Variants in MAST2 observed in about 807,000 individuals in gnomAD.
The protein encoded by MAST2 is microtubule-associated serine/threonine-protein kinase 2.
Under a neutral mutation model 147.4 loss-of-function variants are expected in MAST2, and 70 were observed. That is an observed-to-expected ratio of 0.47 (90% CI 0.39 to 0.58). MAST2 has a LOEUF of 0.58. MAST2 is among the 20% of genes least tolerant of loss of function. The pLI, the probability that MAST2 is intolerant of heterozygous loss-of-function variation, is 0.00. For missense variants in MAST2, 2,080 were observed against 2,302.3 expected (o/e 0.90, Z 1.98); for synonymous variants, 869 against 896.8 (o/e 0.97, Z 0.55).
At position 46,031,192 on chromosome 1, in the gene MAST2, C is replaced by T; in HGVS notation, c.2894C>T (p.Ser965Phe). The T allele has an allele frequency of 6.3e-7, 1 of 1,575,544 alleles. No homozygotes were observed. Among genetic ancestry groups the T allele is most frequent in the East Asian group, 2.3e-5 (1 of 44,246 alleles). ...QEGIWVLTPP[S>F]GEGVSGPVTE... ...GGTATATGGGTCCTGACACCCCCAT[C>T]TGGAGAGGGGGTATCTGGGCCTGTC... Residue 965 changes from serine (S) to phenylalanine (F), a missense_variant, in exon 23 of 29, where the codon TCT (serine) becomes TTT (phenylalanine). By Grantham distance (155) the Ser-to-Phe change is radical. Coordinates refer to ENST00000361297, the MANE Select transcript of MAST2 (RefSeq NM_015112.3). This position sits in a 1 kb window ranked among gnomAD's most constrained non-coding sequence, Gnocchi z 4.1.
intron 4 of MAST2, among the ~76,000 whole-genome samples, chr1:45,897,403 C>G (rs918101871): frequency 6.6e-6 from 1 of 152,200 alleles, no homozygotes; most frequent in African/African-American, 2.4e-5. Context: ...ACAGTTTTTT[C>G]TTAGAAATCA....
At position 46,002,980 on chromosome 1, in the gene MAST2, C is replaced by G. The variant is rs41313270; in HGVS notation, c.747+97C>G. 2.5e-3 allele frequency: 3,041 copies of G among 1,223,070 alleles called. 11 individuals carry two copies. The highest frequency in any genetic ancestry group is 2.3e-3 in the Non-Finnish European group (1,872 of 829,406). 75.8% of individuals were successfully genotyped at this position (1,223,070 alleles called of 1,614,324 possible). A position where few individuals can be genotyped will look rare whatever the true frequency, so the allele number is the denominator to read the frequency against. On this transcript the variant is annotated intron_variant, in intron 7 of 28. Transcript: ENST00000361297. ...ACAAAATGGTTCTCAACTTTTTCTC[C>G]AAAGTCAAACTCAGAGAGGTTGCTG... is the stretch of plus-strand genomic sequence containing the variant.
At chr1:45,925,258 T>C (rs1012407145) in intron 4 of MAST2, among the ~76,000 whole-genome samples, 4 of 152,222 alleles carry the variant, frequency 2.6e-5, no homozygotes, top group Non-Finnish European at 5.9e-5. Flanking sequence ...TGTAATACAT[T>C]GCGTTTTATG....
intron 16 of MAST2, among the ~76,000 whole-genome samples, chr1:46,026,254 C>T (rs1456828158): frequency 6.6e-6 from 1 of 152,088 alleles, no homozygotes; most frequent in Non-Finnish European, 1.5e-5. Context: ...GGGTATTAGT[C>T]AAGTGGAAAA....
intron 3 of MAST2, among the ~76,000 whole-genome samples, chr1:45,863,072 A>G (rs1570423244): frequency 6.6e-6 from 1 of 151,334 alleles, no homozygotes; most frequent in Admixed American, 6.6e-5. Context: ...CCTCATCCCT[A>G]TCTCAGTGGT....
chr1:45,957,369 G>GGATC (rs1331725234), intron 4 of MAST2, among the ~76,000 whole-genome samples: 2 of 152,160 alleles, frequency 1.3e-5, no homozygotes, highest in Non-Finnish European at 2.9e-5. Flanking sequence ...GCATATAAGT[G>GGATC]GATCCTGCTA....
At chr1:45,999,444 G>A (rs1416031451) in intron 6 of MAST2, among the ~76,000 whole-genome samples, 1 of 152,190 alleles carries the variant, frequency 6.6e-6, no homozygotes, top group East Asian at 1.9e-4. Flanking sequence ...GTACGAGCTG[G>A]GACACCAAGA....
At chr1:45,832,034 C>T (rs1230561190) in intron 3 of MAST2, among the ~76,000 whole-genome samples, 1 of 152,120 alleles carries the variant, frequency 6.6e-6, no homozygotes, top group Non-Finnish European at 1.5e-5. Flanking sequence ...CCTGCCTCGG[C>T]CTCTCAAAGT....
intron 5 of MAST2, among the ~76,000 whole-genome samples, chr1:45,981,481 A>G (rs1029674691): frequency 1.3e-5 from 2 of 152,184 alleles, no homozygotes; most frequent in African/African-American, 4.8e-5. Flanking sequence ...CTGTGAGGTT[A>G]GGAATCTTGT....
intron 4 of MAST2, among the ~76,000 whole-genome samples, chr1:45,909,664 T>C (rs1425506197): frequency 1.3e-5 from 2 of 151,926 alleles, no homozygotes; most frequent in African/African-American, 4.8e-5. Flanking sequence ...ACTACAGGCA[T>C]GCGCCCCCAC....
chr1:45,826,653 T>C (rs1644801738), intron 2 of MAST2, among the ~76,000 whole-genome samples: 2 of 151,960 alleles, frequency 1.3e-5, no homozygotes, highest in Non-Finnish European at 2.9e-5. Flanking sequence ...CCAGGCCAGA[T>C]ACTCCACTTA....
At chr1:45,900,210 T>G (rs1649537960) in intron 4 of MAST2, among the ~76,000 whole-genome samples, 1 of 140,954 alleles carries the variant, frequency 7.1e-6, no homozygotes, top group Non-Finnish European at 1.5e-5. Context: ...TACCCTTGGG[T>G]AGATAGCCAG....
At chr1:45,811,727 G>C (rs539344277) in intron 1 of MAST2, among the ~76,000 whole-genome samples, 1 of 147,770 alleles carries the variant, frequency 6.8e-6, no homozygotes, top group Non-Finnish European at 1.5e-5. Flanking sequence ...TCTGCCTCCC[G>C]GGTTCCCGCC....
chr1:46,029,404 C>T, intron 18 of MAST2, 62 bp from the exon 19 acceptor site: 6 of 1,400,416 alleles, frequency 4.3e-6, no homozygotes, highest in Non-Finnish European at 6.0e-6. Flanking sequence ...CTGGGACCCT[C>T]TTCTGCATCT....
intron 5 of MAST2, among the ~76,000 whole-genome samples, chr1:45,972,749 C>G (rs1643967850): frequency 6.6e-6 from 1 of 152,206 alleles, no homozygotes; most frequent in Admixed American, 6.5e-5. Context: ...CCCTCCCTGA[C>G]TCTGGAAACC....
intron 3 of MAST2, among the ~76,000 whole-genome samples, chr1:45,844,456 G>A (rs746521803): frequency 6.6e-6 from 1 of 151,948 alleles, no homozygotes; most frequent in African/African-American, 2.4e-5. Flanking sequence ...CTAATTTTTT[G>A]TATTTTTAGT....
intron 3 of MAST2, among the ~76,000 whole-genome samples, chr1:45,842,460 A>C (rs1174051116): frequency 6.6e-6 from 1 of 152,124 alleles, no homozygotes. Flanking sequence ...CTTATCCATT[A>C]AGCCCTTTCT....
At chr1:45,853,600 C>T (rs371978824) in intron 3 of MAST2, among the ~76,000 whole-genome samples, 4 of 151,650 alleles carry the variant, frequency 2.6e-5, no homozygotes, top group African/African-American at 9.7e-5. Context: ...GTGATCCACC[C>T]ACCCCGGCCT....
At chr1:45,964,710 C>G (rs966899707) in intron 5 of MAST2, among the ~76,000 whole-genome samples, 34 of 151,994 alleles carry the variant, frequency 2.2e-4, no homozygotes, top group African/African-American at 6.8e-4. Flanking sequence ...TTTTGTGTCT[C>G]TATCTCCTTC....
Sources: allele counts gnomAD v4.1 joint callset (sites outside exome capture counted in the v4.1 genomes callset), GRCh38; gene constraint gnomAD v4.1.1; non-coding constraint Gnocchi (gnomAD v3.1); transcripts MANE v1.5; gene names NCBI Gene and HGNC (gene_info 2026-07-23, HGNC 2026-07-21).